The following KANK1 variants were observed in gnomAD, a reference collection of about 807,000 sequenced individuals.
KANK1 encodes KN motif and ankyrin repeat domain-containing protein 1.
Under a neutral mutation model 106.2 loss-of-function variants are expected in KANK1, and 109 were observed. The ratio of observed to expected loss-of-function variants is 1.03; its 90% CI spans 0.88 to 1.20. The LOEUF is 1.20. Ranked by LOEUF, KANK1 falls within the 50% of genes most tolerant of loss-of-function variation. The pLI is 0.00. For synonymous variants in KANK1, 873 were observed against 652.2 expected (o/e 1.34, Z -5.16); for missense variants, 2,399 against 1,710.7 (o/e 1.40, Z -7.10).
chr9:636,727 T>A (rs1837224134), intron 1 of KANK1, among the ~76,000 whole-genome samples: 1 of 152,016 alleles, frequency 6.6e-6, no homozygotes, highest in Non-Finnish European at 1.5e-5. Flanking sequence ...ATTAGCCAGA[T>A]ATGGTGGTGT....
At chr9:538,589 T>TA (rs2060428139) in intron 1 of KANK1, among the ~76,000 whole-genome samples, 3 of 152,216 alleles carry the variant, frequency 2.0e-5, no homozygotes, top group African/African-American at 7.2e-5. Flanking sequence ...CCTGCAGAGG[T>TA]TCCTTCAAAC....
At chr9:604,465 C>T (rs892345732) in intron 1 of KANK1, among the ~76,000 whole-genome samples, 2 of 151,776 alleles carry the variant, frequency 1.3e-5, no homozygotes, top group African/African-American at 2.4e-5. Flanking sequence ...CCCTTGCACC[C>T]ATGTCTCTCT....
chr9:610,721 C>G (rs1051583664), intron 1 of KANK1, among the ~76,000 whole-genome samples: 1 of 152,152 alleles, frequency 6.6e-6, no homozygotes, highest in Non-Finnish European at 1.5e-5. Context: ...GGAGGCATAG[C>G]TAGCCTTGGA....
At chr9:697,036 A>G (rs546905088) in intron 2 of KANK1, among the ~76,000 whole-genome samples, 2 of 152,250 alleles carry the variant, frequency 1.3e-5, no homozygotes, top group South Asian at 4.1e-4. Context: ...ACCCAGACTC[A>G]GATTTCCCAG....
At chr9:617,360 G>A (rs1480343159) in intron 1 of KANK1, among the ~76,000 whole-genome samples, 1 of 152,184 alleles carries the variant, frequency 6.6e-6, no homozygotes, top group African/African-American at 2.4e-5. Context: ...AAGGATTGGG[G>A]AGGAGGGGGG....
upstream of KANK1, among the ~76,000 whole-genome samples, chr9:503,097 C>A (rs912022685): frequency 6.0e-5 from 9 of 150,716 alleles, no homozygotes; most frequent in African/African-American, 2.2e-4. Context: ...TCTCGGCCTC[C>A]CAAAGTGTGA....
chr9:735,585 A>T lies in KANK1; in HGVS notation c.3333+750A>T. ...TGAGAAAATGTAGGATCCCCTAAGGATACCGAAATGCACAGATACTCAAGT... is the reference window on the plus strand; with the variant it reads ...TGAGAAAATGTAGGATCCCCTAAGGTTACCGAAATGCACAGATACTCAAGT... On this transcript the variant is annotated intron_variant, in intron 7 of 11. Transcript: ENST00000382297. 1.1e-5 allele frequency: 2 copies of T among 185,980 alleles called. 1 individual carries two copies. Among genetic ancestry groups the T allele is most frequent in the South Asian group, 2.0e-4 (2 of 10,102 alleles). The allele number at this position is 185,980 out of a possible 1,614,324, so 11.5% of individuals were successfully genotyped here.
chr9:549,716 T>C, intron 1 of KANK1: 1 of 152,508 alleles, frequency 6.6e-6, no homozygotes, highest in Non-Finnish European at 1.5e-5. Flanking sequence ...CTCCTCGTCC[T>C]CTGAGGTATG....
chr9:598,163 A>C (rs535800176), intron 1 of KANK1, among the ~76,000 whole-genome samples: 1 of 151,822 alleles, frequency 6.6e-6, no homozygotes, highest in East Asian at 1.9e-4. Flanking sequence ...CTTGTTAAAA[A>C]TCTATTGGCC....
At chr9:473,409 G>A (rs2058053099) in intron 3 of KANK1, 1 of 152,196 alleles carries the variant, frequency 6.6e-6, no homozygotes, top group African/African-American at 2.4e-5. Context: ...TCATAAATTT[G>A]CAGTTGAAGT....
intron 1 of KANK1, among the ~76,000 whole-genome samples, chr9:641,555 G>A (rs1020558850): frequency 2.6e-5 from 4 of 152,172 alleles, no homozygotes; most frequent in African/African-American, 9.7e-5. Flanking sequence ...GGATTCCAAG[G>A]CATATTACCC....
At chr9:557,892 C>T (rs531287140) in intron 1 of KANK1, among the ~76,000 whole-genome samples, 5 of 152,222 alleles carry the variant, frequency 3.3e-5, no homozygotes, top group East Asian at 1.9e-4. Context: ...GTGGTCTCAG[C>T]GACTTGGGCG....
chr9:618,802 G>A (rs1384036851), intron 1 of KANK1, among the ~76,000 whole-genome samples: 1 of 152,144 alleles, frequency 6.6e-6, no homozygotes, highest in Non-Finnish European at 1.5e-5. Context: ...TGGGTGAACA[G>A]GCGGTGTTTT....
At chr9:740,679 C>G (rs766190843) in intron 8 of KANK1, 113 bp from the exon 9 acceptor site, 73 of 1,194,614 alleles carry the variant, frequency 6.1e-5, no homozygotes, top group Non-Finnish European at 8.2e-5. Context: ...TCTCCAGCCA[C>G]CTGGTACCAT....
At chr9:606,085 G>C (rs941037755) in intron 1 of KANK1, among the ~76,000 whole-genome samples, 1 of 147,518 alleles carries the variant, frequency 6.8e-6, no homozygotes, top group Non-Finnish European at 1.5e-5. Flanking sequence ...AAAATTATAG[G>C]GGAAGAAAAA....
intron 7 of KANK1, chr9:735,660 T>C (rs1447454883): frequency 2.9e-6 from 1 of 341,578 alleles, no homozygotes; most frequent in Non-Finnish European, 6.5e-6. Flanking sequence ...GCATCTACTT[T>C]AAATTCTGCC....
At chr9:672,136 A>G (rs1045873930) in intron 1 of KANK1, among the ~76,000 whole-genome samples, 1 of 152,148 alleles carries the variant, frequency 6.6e-6, no homozygotes, top group African/African-American at 2.4e-5. Context: ...TCACATAATC[A>G]CAAGAGCCCT....
At chr9:648,716 G>A (rs748473103) in intron 1 of KANK1, among the ~76,000 whole-genome samples, 3 of 152,152 alleles carry the variant, frequency 2.0e-5, no homozygotes, top group Non-Finnish European at 4.4e-5. Context: ...TTCTTTATCT[G>A]TTGCGGGGGA....
chr9:590,599 T>TCAGGGAGATAAACAGAATTGAAAAATTG (rs1563820295), intron 1 of KANK1, among the ~76,000 whole-genome samples: 3 of 151,772 alleles, frequency 2.0e-5, no homozygotes, highest in African/African-American at 7.3e-5. Context: ...AATATGTAAC[T>TCAGGGAGATAAACAGAATTGAAAAATTG]TTACCACCAT....
Sources: gnomAD v4.1 joint callset for allele counts (sites outside exome capture counted in the v4.1 genomes callset) on GRCh38, gnomAD v4.1.1 for gene constraint, MANE v1.5 for transcripts, NCBI Gene and HGNC (gene_info 2026-07-23, HGNC 2026-07-21) for gene names.